Variants in FILIP1L observed in about 807,000 individuals in gnomAD.
The protein encoded by FILIP1L is filamin A interacting protein 1 like.
A neutral mutation model predicts 96.6 loss-of-function variants in FILIP1L; 55 were observed. The ratio of observed to expected loss-of-function variants is 0.57; its 90% CI spans 0.46 to 0.71. The LOEUF (loss-of-function observed/expected upper bound fraction) is 0.71. Among genes scored for constraint, FILIP1L ranks in the 30% least tolerant of loss-of-function variants. FILIP1L has a pLI of 0.00. For synonymous variants in FILIP1L, 467 were observed against 473.9 expected (o/e 0.99, Z 0.19); for missense variants, 1,304 against 1,321.2 (o/e 0.99, Z 0.20).
chr3:100,016,767 A>G (rs1444148631), intron 1 of FILIP1L, among the ~76,000 whole-genome samples: 1 of 152,206 alleles, frequency 6.6e-6, no homozygotes, highest in Non-Finnish European at 1.5e-5. Flanking sequence ...GATATGTGCA[A>G]AGTTGCTATA....
At chr3:99,988,695 C>CT (rs1240960974) in intron 1 of FILIP1L, among the ~76,000 whole-genome samples, 1 of 152,112 alleles carries the variant, frequency 6.6e-6, no homozygotes, top group Non-Finnish European at 1.5e-5. Flanking sequence ...GAAATTAACC[C>CT]TTTCTATTTG....
At chr3:99,870,610 T>C (rs1384099637) in intron 4 of FILIP1L, among the ~76,000 whole-genome samples, 1 of 152,214 alleles carries the variant, frequency 6.6e-6, no homozygotes, top group Non-Finnish European at 1.5e-5. Flanking sequence ...GTGAACTTAG[T>C]TGCTGGGCCT....
chr3:99,981,340 A>G (rs1709116944), intron 1 of FILIP1L, among the ~76,000 whole-genome samples: 1 of 152,166 alleles, frequency 6.6e-6, no homozygotes, highest in East Asian at 1.9e-4. Flanking sequence ...TCCTGAAATG[A>G]CTTAGGAAGA....
At chr3:99,845,059 G>A (rs1943300919) in intron 5 of FILIP1L, among the ~76,000 whole-genome samples, 1 of 152,178 alleles carries the variant, frequency 6.6e-6, no homozygotes, top group South Asian at 2.1e-4. Context: ...CAAGCCTAAT[G>A]TCTTAGCATT....
At chr3:99,921,724 A>T (rs1303657424) in intron 4 of FILIP1L, among the ~76,000 whole-genome samples, 1 of 152,244 alleles carries the variant, frequency 6.6e-6, no homozygotes, top group Non-Finnish European at 1.5e-5. Context: ...TTTATATCCT[A>T]TAAAGCTAAA....
intron 1 of FILIP1L, among the ~76,000 whole-genome samples, chr3:100,044,256 G>T (rs2065247149): frequency 6.6e-6 from 1 of 152,176 alleles, no homozygotes; most frequent in Non-Finnish European, 1.5e-5. Context: ...CGATGCAGTT[G>T]TTTACAAGAT....
At chr3:100,039,009 G>A (rs923471) in intron 1 of FILIP1L, among the ~76,000 whole-genome samples, 28,158 of 152,118 alleles carry the variant, frequency 0.19, 2,941 homozygotes, top group South Asian at 0.25. Context: ...TAAGAATTTT[G>A]TGTTGGGAGA....
intron 1 of FILIP1L, among the ~76,000 whole-genome samples, chr3:100,106,149 A>G (rs971489336): frequency 1.3e-5 from 2 of 152,174 alleles, no homozygotes; most frequent in Non-Finnish European, 2.9e-5. Context: ...AATCAGATAC[A>G]GATACCACAT....
intron 1 of FILIP1L, among the ~76,000 whole-genome samples, chr3:100,079,347 C>G (rs925265859): frequency 6.6e-6 from 1 of 152,174 alleles, no homozygotes; most frequent in Non-Finnish European, 1.5e-5. Flanking sequence ...GGATGGATGG[C>G]AAAGAATTTG....
At chr3:99,935,728 A>T (rs1220612200) in intron 1 of FILIP1L, among the ~76,000 whole-genome samples, 1 of 152,198 alleles carries the variant, frequency 6.6e-6, no homozygotes, top group Non-Finnish European at 1.5e-5. Context: ...GTTGTCTTGT[A>T]TCTATGGATA....
intron 5 of FILIP1L, among the ~76,000 whole-genome samples, chr3:99,834,734 C>T (rs1942826740): frequency 6.6e-6 from 1 of 152,138 alleles, no homozygotes. Flanking sequence ...TAGTCATTCT[C>T]AGGCTTACAT....
chr3:100,045,463 T>C (rs969109117), intron 1 of FILIP1L, among the ~76,000 whole-genome samples: 1 of 152,194 alleles, frequency 6.6e-6, no homozygotes, highest in East Asian at 1.9e-4. Context: ...TTAGCTTTCA[T>C]TGTGCTGCTG....
chr3:99,984,064 G>GTGTGTGTGTGTGTT (rs1553702846), intron 1 of FILIP1L, among the ~76,000 whole-genome samples: 1 of 152,054 alleles, frequency 6.6e-6, no homozygotes, highest in Non-Finnish European at 1.5e-5. Context: ...GTGTGTTTGT[G>GTGTGTGTGTGTGTT]TGTGTGTGTG....
intron 1 of FILIP1L, among the ~76,000 whole-genome samples, chr3:99,972,539 C>T (rs1043879173): frequency 1.3e-5 from 2 of 152,176 alleles, no homozygotes; most frequent in Non-Finnish European, 2.9e-5. Context: ...GCCTCTAGTG[C>T]TGTCTGCTGC....
intron 1 of FILIP1L, among the ~76,000 whole-genome samples, chr3:100,081,524 C>G (rs1052865896): frequency 1.3e-5 from 2 of 152,184 alleles, no homozygotes; most frequent in Non-Finnish European, 2.9e-5. Context: ...CTGTGGATAG[C>G]TCAGGGATTA....
intron 4 of FILIP1L, among the ~76,000 whole-genome samples, chr3:99,913,755 C>G (rs1333879618): frequency 6.6e-6 from 1 of 152,082 alleles, no homozygotes; most frequent in Non-Finnish European, 1.5e-5. Flanking sequence ...AGCATATATG[C>G]AAGATATAGT....
At chr3:100,106,272 T>C (rs953510497) in intron 1 of FILIP1L, among the ~76,000 whole-genome samples, 3 of 152,130 alleles carry the variant, frequency 2.0e-5, no homozygotes, top group Non-Finnish European at 4.4e-5. Context: ...TCTCCAGGGA[T>C]TTACACTTGC....
rs1576497640 is a variant in FILIP1L at position 99,837,789 on chromosome 3, G to A, written c.3382-7184C>T. ...AGAAATAGAAATCCAGATTTAGAGT[G>A]TACCATCTGGGAAAATTTTCTGTTT... On this transcript the variant is annotated intron_variant, in intron 5 of 5. Coordinates refer to ENST00000477258, the MANE Select transcript of FILIP1L (RefSeq NM_001387850.1). 2.0e-5 allele frequency among the ~76,000 whole-genome samples: 3 copies of A among 152,192 alleles called. No individual in the cohort carries two copies. The East Asian group carries it at 5.8e-4, about 29-fold the overall frequency.
intron 4 of FILIP1L, among the ~76,000 whole-genome samples, chr3:99,884,375 T>G (rs553233734): frequency 6.6e-6 from 1 of 152,222 alleles, no homozygotes; most frequent in Non-Finnish European, 1.5e-5. Context: ...TTTAAACTAT[T>G]TTCATGTATT....
Sources: allele counts gnomAD v4.1 joint callset (sites outside exome capture counted in the v4.1 genomes callset), GRCh38; gene constraint gnomAD v4.1.1; transcripts MANE v1.5; gene names NCBI Gene and HGNC (gene_info 2026-07-23, HGNC 2026-07-21).